The following XDH variants were observed in gnomAD, a reference collection of about 807,000 sequenced individuals.
XDH encodes the protein xanthine dehydrogenase/oxidase.
A neutral mutation model predicts 156.1 loss-of-function variants in XDH; 138 were observed. That is an observed-to-expected ratio of 0.88 (90% CI 0.77 to 1.02). The LOEUF is 1.02. Ranked by LOEUF, XDH falls within the 50% of genes least tolerant of loss-of-function variation. XDH has a pLI of 0.00. For missense variants in XDH, 1,849 were observed against 1,684.9 expected (o/e 1.10, Z -1.71); for synonymous variants, 669 against 625.7 (o/e 1.07, Z -1.03).
chr2:31,357,815 A>T (rs1685666491), intron 24 of XDH, among the ~76,000 whole-genome samples: 1 of 152,130 alleles, frequency 6.6e-6, no homozygotes, highest in African/African-American at 2.4e-5. Context: ...TCAAAACATC[A>T]TATGTATCCT....
At position 31,365,976 on chromosome 2, in the gene XDH, T is replaced by C; in HGVS notation, c.2456A>G (p.Lys819Arg). ...VSTAVALAAY[K>R]TGRPVRCMLD... ...GGGAGAAACAGGCTTTGGAACTCAC[T>C]TATATGCAGCCAGGGCCACTGCCGT... Residue 819 changes from lysine to arginine, a missense_variant and splice_region_variant, in exon 22 of 36, where the codon AAG (lysine) becomes AGG (arginine). Physicochemically the swap from Lys to Arg is conservative, Grantham distance 26. Coordinates refer to ENST00000379416, the MANE Select transcript of XDH (RefSeq NM_000379.4). 1 of 1,614,196 alleles carries C rather than the reference T, an allele frequency of 6.2e-7. No individual in the cohort carries two copies. The highest frequency in any genetic ancestry group is 8.5e-7 in the Non-Finnish European group (1 of 1,180,032).
chr2:31,367,097 AATGGCT>A, intron 20 of XDH, 103 bp from the exon 21 acceptor site: 1 of 1,587,420 alleles, frequency 6.3e-7, no homozygotes, highest in Non-Finnish European at 8.6e-7. Context: ...GGCAGGAAGC[AATGGCT>A]ACCTGAGGGG....
chr2:31,411,435 G>A (rs531471557), intron 1 of XDH, among the ~76,000 whole-genome samples: 8 of 151,574 alleles, frequency 5.3e-5, no homozygotes, highest in South Asian at 4.2e-4. Context: ...AATTATTTAC[G>A]TACTTATAAT....
rs45552341 is a variant in XDH, at chr2:31,404,144, C to T, written c.101-1000G>A. 9.2e-5 allele frequency among the ~76,000 whole-genome samples: 14 copies of T among 152,018 alleles called. No individual in the cohort carries two copies. The East Asian group carries it at 2.5e-3, about 27-fold the overall frequency. The stretch of plus-strand genomic sequence containing the variant: ...GGCCACACAAGATGACACAGGAACA[C>T]GTTACCCTGCCGGTGTGGCCCCATC... On this transcript the variant is annotated intron_variant, in intron 2 of 35. Transcript: ENST00000379416.
rs151338723 is a variant in XDH, at chr2:31,339,525, G to C, written c.3738C>G (p.Arg1246=). The part of the protein sequence containing the change: ...IPIEFRVSLL[R]DCPNKKAIYA... ...AGATGGCCTTCTTGTTGGGGCAGTC[G>C]CGGAGCAGGGACACCCTGAACTCAA... The change falls in exon 34 of 36, where the codon CGC becomes CGG. Residue 1246 remains arginine, a synonymous_variant. Transcript: ENST00000379416. 1 of 1,614,196 alleles carries C rather than the reference G, an allele frequency of 6.2e-7. No homozygotes were observed. The highest frequency in any genetic ancestry group is 1.1e-5 in the South Asian group (1 of 91,084).
chr2:31,406,746 G>A (rs1329885372), intron 1 of XDH, among the ~76,000 whole-genome samples: 2 of 152,208 alleles, frequency 1.3e-5, no homozygotes. Context: ...TGAGAGCATG[G>A]CATGCAGATC....
chr2:31,382,591 C>G (rs1042985355), intron 11 of XDH, among the ~76,000 whole-genome samples: 5 of 152,162 alleles, frequency 3.3e-5, no homozygotes, highest in African/African-American at 1.2e-4. Context: ...CTCCCTATAG[C>G]TCTGAAAGGA....
intron 6 of XDH, among the ~76,000 whole-genome samples, chr2:31,391,064 T>C (rs1042628053): frequency 3.3e-5 from 5 of 152,184 alleles, no homozygotes; most frequent in African/African-American, 9.6e-5. Context: ...TCCAAGGTCA[T>C]CTAGGTTTTC....
chr2:31,385,786 T>C (rs1686572619), intron 9 of XDH, among the ~76,000 whole-genome samples: 1 of 152,160 alleles, frequency 6.6e-6, no homozygotes, highest in African/African-American at 2.4e-5. Context: ...CAGGTGGCCA[T>C]GGTCATAGGC....
intron 16 of XDH, among the ~76,000 whole-genome samples, chr2:31,373,011 T>A (rs1686119971): frequency 6.6e-6 from 1 of 152,192 alleles, no homozygotes; most frequent in Admixed American, 6.5e-5. Flanking sequence ...TACAAAGTAA[T>A]CATAACAATG....
rs746274457 is a variant in XDH at position 31,387,825 on chromosome 2, G to GA, written c.636dup (p.Pro213SerfsTer18). 4 of 1,583,608 alleles carry GA rather than the reference G, an allele frequency of 2.5e-6. No individual in the cohort carries two copies. The highest frequency in any genetic ancestry group is 1.7e-4 in the Middle Eastern group (1 of 6,032). On this transcript the variant is annotated frameshift_variant, in exon 8 of 36. Transcript: ENST00000379416. LOFTEE classifies it high-confidence loss of function. Reference sequence around the variant, plus strand: ...GCATCACCTACCAGCAACTCTGGGGGAAAAATGGGCTCCTGGGTTGGATCC... The same window carrying GA: ...GCATCACCTACCAGCAACTCTGGGGGAAAAAATGGGCTCCTGGGTTGGATCC...
At chr2:31,345,253 C>T (rs912778693) in intron 30 of XDH, among the ~76,000 whole-genome samples, 1 of 152,194 alleles carries the variant, frequency 6.6e-6, no homozygotes, top group African/African-American at 2.4e-5. Context: ...ACTACTCAAA[C>T]TTGCCCTCCA....
At position 31,338,298 on chromosome 2, in the gene XDH, G is replaced by A. The variant is rs546662445; in HGVS notation, c.3775-481C>T. Among the ~76,000 whole-genome samples the A allele has an allele frequency of 2.2e-4, 34 of 152,290 alleles. No homozygotes were observed. The South Asian group carries it at 3.1e-3, about 14-fold the overall frequency. On this transcript the variant is annotated intron_variant, in intron 34 of 35. Coordinates refer to ENST00000379416, the MANE Select transcript of XDH (RefSeq NM_000379.4). ...AGGAATTAAAACATTTTCTAGCATAGGTTGGTTTTTCTCCCCCTCAAAGTA... is the reference window on the plus strand; with the variant it reads ...AGGAATTAAAACATTTTCTAGCATAAGTTGGTTTTTCTCCCCCTCAAAGTA...
intron 3 of XDH, 102 bp downstream of exon 3, chr2:31,402,946 C>A: frequency 1.6e-6 from 2 of 1,252,414 alleles, no homozygotes; most frequent in Non-Finnish European, 2.3e-6. Context: ...GGGGCTCACA[C>A]ATGCGCACAT....
intron 12 of XDH, among the ~76,000 whole-genome samples, chr2:31,380,648 C>T (rs1686412687): frequency 6.6e-6 from 1 of 152,240 alleles, no homozygotes; most frequent in African/African-American, 2.4e-5. Context: ...TGGGAGAAGT[C>T]TCTGGAAGAT....
At chr2:31,389,713 A>G (rs377557242) in intron 6 of XDH, 1 of 152,202 alleles carries the variant, frequency 6.6e-6, no homozygotes, top group Non-Finnish European at 1.5e-5. Flanking sequence ...GACATAAATT[A>G]CTGTGATGTA....
At chr2:31,406,099 C>G (rs190864968) in intron 1 of XDH, 135 bp from the exon 2 acceptor site, 4 of 969,716 alleles carry the variant, frequency 4.1e-6, no homozygotes, top group Non-Finnish European at 6.4e-6. Flanking sequence ...CACTCTGCCC[C>G]TCTAAATCTC....
chr2:31,413,664 A>G (rs1687398892), intron 1 of XDH, among the ~76,000 whole-genome samples: 1 of 152,218 alleles, frequency 6.6e-6, no homozygotes, highest in Admixed American at 6.5e-5. Context: ...CAAAAATGCC[A>G]ATATAGAAAG....
rs1461007030 is a variant in XDH at position 31,409,724 on chromosome 2, CAAAT to C, written c.43-3764_43-3761del. On this transcript the variant is annotated intron_variant, in intron 1 of 35. Transcript: ENST00000379416. ...AGGATAGCTATGATCAACGAACAAACAAATAAACAGAAAATAACTGTTTGCAAGG... is the reference window on the plus strand; with the variant it reads ...AGGATAGCTATGATCAACGAACAAACAAACAGAAAATAACTGTTTGCAAGG... Among the ~76,000 whole-genome samples, 6 of 152,282 alleles carry C rather than the reference CAAAT, an allele frequency of 3.9e-5. No individual in the cohort carries two copies. The South Asian group carries it at 1.2e-3, about 32-fold the overall frequency.
Sources: allele counts gnomAD v4.1 joint callset (sites outside exome capture counted in the v4.1 genomes callset), GRCh38; gene constraint gnomAD v4.1.1; transcripts MANE v1.5; gene names NCBI Gene and HGNC (gene_info 2026-07-23, HGNC 2026-07-21).